FRMD6: variants seen among roughly 807,000 people sequenced by gnomAD.
The protein encoded by FRMD6 is FERM domain-containing protein 6.
A neutral mutation model predicts 73.2 loss-of-function variants in FRMD6; 37 were observed. That is an observed-to-expected ratio of 0.51 (90% CI 0.39 to 0.66). The LOEUF is 0.66. Among genes scored for constraint, FRMD6 ranks in the 30% least tolerant of loss-of-function variants. FRMD6 has a pLI of 0.00. For missense variants in FRMD6, 714 were observed against 780.5 expected, an observed-to-expected ratio of 0.91 and a Z score of 1.02; for synonymous variants, 273 against 282.2, an observed-to-expected ratio of 0.97 and a Z score of 0.33.
At chr14:51,500,300 G>C (rs1319596719) in intron 1 of FRMD6, among the ~76,000 whole-genome samples, 1 of 152,084 alleles carries the variant, frequency 6.6e-6, no homozygotes, top group East Asian at 1.9e-4. Context: ...GGTCCAAGGT[G>C]GGCGGATCAT....
intron 2 of FRMD6, among the ~76,000 whole-genome samples, chr14:51,572,656 A>G (rs1011625922): frequency 2.0e-5 from 3 of 152,232 alleles, no homozygotes; most frequent in African/African-American, 7.2e-5. Flanking sequence ...TGGAATCTAT[A>G]CTTCTTTTGC....
At chr14:51,416,831 G>A in the FRMD6 span, among the ~76,000 whole-genome samples, 7 of 152,070 alleles carry the variant, frequency 4.6e-5, no homozygotes, top group African/African-American at 1.7e-4. Flanking sequence ...ATGAATCTGG[G>A]TGCTCCTGTA....
At chr14:51,565,152 A>G (rs1354670906) in intron 1 of FRMD6, 1 of 152,230 alleles carries the variant, frequency 6.6e-6, no homozygotes, top group African/African-American at 2.4e-5. Flanking sequence ...CTGTGTACAC[A>G]GAGAGAGGAG....
At position 51,521,151 on chromosome 14, in the gene FRMD6, C is replaced by T. The variant is rs113093482; in HGVS notation, c.-210+31731C>T. ...ATTCAAGAGAGCTTTACTGAGGTGA[C>T]GAAAATGTTCTGTATCTTGACTGTG... On this transcript the variant is annotated intron_variant, in intron 1 of 14. Transcript: ENST00000356218. Among the ~76,000 whole-genome samples the T allele has an allele frequency of 4.5e-3, 677 of 152,084 alleles. 3 individuals are homozygous for T. Among genetic ancestry groups the T allele is most frequent in the African/African-American group, 0.016 (651 of 41,474 alleles).
At chr14:51,615,037 A>G (rs1890652502) in intron 2 of FRMD6, among the ~76,000 whole-genome samples, 1 of 152,222 alleles carries the variant, frequency 6.6e-6, no homozygotes, top group Admixed American at 6.5e-5. Flanking sequence ...GGGGCTAAGC[A>G]TTTAGAGTAT....
At chr14:51,544,186 C>G (rs1886344742) in intron 1 of FRMD6, among the ~76,000 whole-genome samples, 2 of 151,932 alleles carry the variant, frequency 1.3e-5, no homozygotes, top group South Asian at 2.1e-4. Context: ...GATAAGAACG[C>G]TTAAAAAATA....
intron 1 of FRMD6, among the ~76,000 whole-genome samples, chr14:51,524,659 C>T (rs1482640885): frequency 6.6e-6 from 1 of 152,100 alleles, no homozygotes; most frequent in Non-Finnish European, 1.5e-5. Context: ...TTTAGAGACT[C>T]TGGTGCTGCC....
intron 4 of FRMD6, 81 bp downstream of exon 4, chr14:51,701,240 C>T: frequency 1.4e-6 from 1 of 726,714 alleles, no homozygotes; most frequent in Non-Finnish European, 2.2e-6. Flanking sequence ...TAGAAGAAAA[C>T]TGTAAGCAAT....
intron 2 of FRMD6, among the ~76,000 whole-genome samples, chr14:51,605,389 A>AG (rs1341752377): frequency 6.6e-6 from 1 of 152,096 alleles, no homozygotes; most frequent in East Asian, 1.9e-4. Context: ...CACTTTACAT[A>AG]TATTTGCATT....
intron 1 of FRMD6, among the ~76,000 whole-genome samples, chr14:51,500,287 G>T (rs1883533900): frequency 6.6e-6 from 1 of 152,084 alleles, no homozygotes; most frequent in African/African-American, 2.4e-5. Flanking sequence ...CCAGCACTTT[G>T]AGGGTCCAAG....
the FRMD6 span, among the ~76,000 whole-genome samples, chr14:51,453,149 T>TA: frequency 0.3 from 44,485 of 147,864 alleles, 7,047 homozygotes; most frequent in Non-Finnish European, 0.36. Flanking sequence ...GAAAAGCTGG[T>TA]AAAAAAAAAA....
chr14:51,478,284 T>C, the FRMD6 span, among the ~76,000 whole-genome samples: 1 of 152,232 alleles, frequency 6.6e-6, no homozygotes, highest in Non-Finnish European at 1.5e-5. Context: ...TGCGGAAAGA[T>C]ACAAGATATA....
the FRMD6 span, among the ~76,000 whole-genome samples, chr14:51,420,287 C>T: frequency 1.1e-4 from 16 of 152,256 alleles, no homozygotes; most frequent in African/African-American, 3.1e-4. Context: ...TAATGCAAGA[C>T]GTGGTTAAAA....
intron 2 of FRMD6, among the ~76,000 whole-genome samples, chr14:51,573,620 A>C (rs1888250604): frequency 6.6e-6 from 1 of 152,154 alleles, no homozygotes; most frequent in Admixed American, 6.5e-5. Flanking sequence ...TGGCATACTG[A>C]ATTCTTAGGA....
At chr14:51,513,075 G>A (rs761175608) in intron 1 of FRMD6, among the ~76,000 whole-genome samples, 3 of 152,182 alleles carry the variant, frequency 2.0e-5, no homozygotes, top group African/African-American at 7.2e-5. Context: ...CCTGACAATG[G>A]TAGGAAGAGA....
intron 1 of FRMD6, among the ~76,000 whole-genome samples, chr14:51,688,826 A>G (rs1166065971): frequency 6.6e-6 from 1 of 152,232 alleles, no homozygotes; most frequent in African/African-American, 2.4e-5. Context: ...ATGAGACATA[A>G]AACAGAAATA....
chr14:51,483,852 T>A, the FRMD6 span, among the ~76,000 whole-genome samples: 1 of 152,230 alleles, frequency 6.6e-6, no homozygotes, highest in Non-Finnish European at 1.5e-5. Context: ...GTATTGTTTG[T>A]TTCATGTAAC....
intron 1 of FRMD6, among the ~76,000 whole-genome samples, chr14:51,671,654 G>C (rs952791090): frequency 1.3e-5 from 2 of 152,268 alleles, no homozygotes. Context: ...GGTGAAGCTT[G>C]GGTGGAAGAA....
the FRMD6 span, among the ~76,000 whole-genome samples, chr14:51,461,706 A>G: frequency 1.3e-5 from 2 of 152,220 alleles, no homozygotes; most frequent in African/African-American, 4.8e-5. Flanking sequence ...GCCTGCCACC[A>G]ATTTGCTGGT....
Sources: gnomAD v4.1 joint callset for allele counts (sites outside exome capture counted in the v4.1 genomes callset) on GRCh38, gnomAD v4.1.1 for gene constraint, MANE v1.5 for transcripts, NCBI Gene and HGNC (gene_info 2026-07-23, HGNC 2026-07-21) for gene names.